Variants in MYO10 observed in about 807,000 individuals in gnomAD.
The protein encoded by MYO10 is myosin X.
Under a neutral mutation model 257.3 loss-of-function variants are expected in MYO10, and 133 were observed. The observed-to-expected ratio is 0.52, with a 90% CI of 0.45 to 0.60. MYO10 has a LOEUF of 0.60. Among genes scored for constraint, MYO10 ranks in the 20% least tolerant of loss-of-function variants. The pLI is 0.00. For synonymous variants in MYO10, 1,104 were observed against 1,028.6 expected, an observed-to-expected ratio of 1.07 and a Z score of -1.40; for missense variants, 2,399 against 2,635.7, an observed-to-expected ratio of 0.91 and a Z score of 1.97.
In MYO10 at chr5:16,763,438, T is replaced by A. The variant is rs1740778120; in HGVS notation, c.1494+43A>T. On this transcript the variant is annotated intron_variant, in intron 14 of 40. Transcript: ENST00000513610. ...TCCCATAAATATGAATCAGTCCAGC[T>A]GGACCCCCTTGGGACTGTAACCATT... is the stretch of plus-strand genomic sequence containing the variant. The A allele has an allele frequency of 4.1e-6, 6 of 1,479,632 alleles. No homozygotes were observed. The African/African-American group carries it at 5.6e-5, about 14-fold the overall frequency. 91.7% of individuals were successfully genotyped at this position (1,479,632 alleles called of 1,614,324 possible).
chr5:16,767,297 A>C (rs1740902913), intron 10 of MYO10, among the ~76,000 whole-genome samples: 1 of 151,298 alleles, frequency 6.6e-6, no homozygotes. Context: ...CAGCTTCCCA[A>C]GTAGCTAGGA....
chr5:16,844,483 A>G (rs917634273), intron 2 of MYO10, among the ~76,000 whole-genome samples: 1 of 152,154 alleles, frequency 6.6e-6, no homozygotes, highest in African/African-American at 2.4e-5. Context: ...GAAAAGAGGA[A>G]TATCTAAAGT....
chr5:16,892,821 C>A (rs894601842), intron 1 of MYO10, among the ~76,000 whole-genome samples: 2 of 152,146 alleles, frequency 1.3e-5, no homozygotes, highest in Admixed American at 6.5e-5. Flanking sequence ...AATGCACAGG[C>A]CTCGTTCAAC....
intron 2 of MYO10, among the ~76,000 whole-genome samples, chr5:16,873,744 G>A (rs575941782): frequency 1.3e-5 from 2 of 152,320 alleles, no homozygotes; most frequent in South Asian, 2.1e-4. Context: ...AAGGCTTGGG[G>A]ATTCTACCCT....
intron 2 of MYO10, among the ~76,000 whole-genome samples, chr5:16,861,581 A>G (rs866798840): frequency 2.6e-5 from 4 of 152,192 alleles, no homozygotes; most frequent in Middle Eastern, 3.4e-3. Flanking sequence ...TCAAAAAAAG[A>G]AAAAAAGCTA....
chr5:16,892,220 C>T (rs1050354441), intron 1 of MYO10, among the ~76,000 whole-genome samples: 5 of 152,198 alleles, frequency 3.3e-5, no homozygotes, highest in African/African-American at 9.7e-5. Flanking sequence ...CAAGCTCCAG[C>T]TCTTCTACCC....
chr5:16,836,950 G>T (rs769898411), intron 2 of MYO10, among the ~76,000 whole-genome samples: 3 of 152,222 alleles, frequency 2.0e-5, no homozygotes, highest in Non-Finnish European at 2.9e-5. Flanking sequence ...CCAAATGGTT[G>T]TAACAGATGA....
At chr5:16,897,469 G>A (rs1745249545) in intron 1 of MYO10, among the ~76,000 whole-genome samples, 2 of 152,130 alleles carry the variant, frequency 1.3e-5, no homozygotes, top group South Asian at 2.1e-4. Flanking sequence ...ATGAACCCAC[G>A]TAAAAATCTG....
chr5:16,805,980 A>C (rs1027389675), intron 3 of MYO10, among the ~76,000 whole-genome samples: 2 of 152,200 alleles, frequency 1.3e-5, no homozygotes, highest in Non-Finnish European at 2.9e-5. Context: ...GTATCATTTG[A>C]CTTCAGCATG....
chr5:16,718,380 G>A (rs988510877), intron 19 of MYO10, among the ~76,000 whole-genome samples: 1 of 152,256 alleles, frequency 6.6e-6, no homozygotes, highest in East Asian at 1.9e-4. Flanking sequence ...CTGCAGCCCT[G>A]GTGCGGGATC....
At position 16,665,718 on chromosome 5, in the gene MYO10, A is replaced by AATC. The variant is rs1212433076; in HGVS notation, c.*971_*973dup. The AATC allele has an allele frequency of 1.3e-5, 2 of 152,634 alleles. No individual in the cohort carries two copies. The highest frequency in any genetic ancestry group is 2.9e-5 in the Non-Finnish European group (2 of 68,034). 9.5% of individuals were successfully genotyped at this position (152,634 alleles called of 1,614,324 possible). ...CAAGTAACACTTTGTTTTTAACTTA[A>AATC]ATCTTTTAGACATGAAAGACTCCAA... On this transcript the variant is annotated 3_prime_UTR_variant, in exon 41 of 41. Transcript: ENST00000513610.
chr5:16,763,899 C>G (rs935824152), intron 12 of MYO10, 144 bp from the exon 13 acceptor site: 2 of 666,252 alleles, frequency 3.0e-6, no homozygotes, highest in Non-Finnish European at 2.6e-6. Flanking sequence ...TATCCCAGCA[C>G]TTTGGGAGGC....
chr5:16,918,659 C>T (rs1022723841), intron 1 of MYO10, among the ~76,000 whole-genome samples: 2 of 151,976 alleles, frequency 1.3e-5, no homozygotes, highest in African/African-American at 2.4e-5. Flanking sequence ...CACCATCACG[C>T]CTGGCTAATT....
Position 16,791,557 on chromosome 5 carries a change from C to CACAT in MYO10, c.467+3088_467+3089insATGT, listed in dbSNP as rs765692677. On this transcript the variant is annotated intron_variant, in intron 4 of 40. Coordinates refer to ENST00000513610, the MANE Select transcript of MYO10 (RefSeq NM_012334.3). ...TTTAATACATACATACACACACACACACACATACACATATGCACAATGATC... is the reference window on the plus strand; with the variant it reads ...TTTAATACATACATACACACACACACACATACACATACACATATGCACAATGATC... Among the ~76,000 whole-genome samples the CACAT allele has an allele frequency of 3.0e-3, 380 of 126,628 alleles. 2 individuals carry two copies. Among genetic ancestry groups the CACAT allele is most frequent in the Middle Eastern group, 8.5e-3 (2 of 234 alleles). 83.1% of individuals were successfully genotyped at this position (126,628 alleles called of 152,430 possible). A position where few individuals can be genotyped will look rare whatever the true frequency, so the allele number is the denominator to read the frequency against.
intron 4 of MYO10, among the ~76,000 whole-genome samples, chr5:16,789,250 T>C (rs935964598): frequency 1.3e-5 from 2 of 152,236 alleles, no homozygotes; most frequent in Non-Finnish European, 2.9e-5. Context: ...ACAGAGGTGC[T>C]TTCGCCCACA....
intron 9 of MYO10, among the ~76,000 whole-genome samples, chr5:16,778,932 T>C (rs555171246): frequency 2.5e-3 from 386 of 152,136 alleles, no homozygotes; most frequent in African/African-American, 8.4e-3. Context: ...CCTCGTGATC[T>C]GCCCGCCTTG....
chr5:16,788,843 C>T (rs950853011), intron 4 of MYO10, among the ~76,000 whole-genome samples: 4 of 152,164 alleles, frequency 2.6e-5, no homozygotes, highest in East Asian at 1.9e-4. Flanking sequence ...TGGAACCAAA[C>T]GAGCATCTTT....
intron 1 of MYO10, among the ~76,000 whole-genome samples, chr5:16,906,421 C>A (rs1745520934): frequency 6.6e-6 from 1 of 151,806 alleles, no homozygotes; most frequent in Non-Finnish European, 1.5e-5. Context: ...ATAACCCTGC[C>A]CCTAGGTGTC....
intron 30 of MYO10, among the ~76,000 whole-genome samples, chr5:16,683,418 AAAG>A (rs1431294231): frequency 6.6e-6 from 1 of 152,220 alleles, no homozygotes; most frequent in African/African-American, 2.4e-5. Flanking sequence ...GGGTGCCAAG[AAAG>A]AAGAAATGTC....
Sources: gnomAD v4.1 joint callset for allele counts (sites outside exome capture counted in the v4.1 genomes callset) on GRCh38, gnomAD v4.1.1 for gene constraint, MANE v1.5 for transcripts, NCBI Gene and HGNC (gene_info 2026-07-23, HGNC 2026-07-21) for gene names.